The following TMEM245 variants were observed in gnomAD, a reference collection of about 807,000 sequenced individuals.
TMEM245 encodes the protein transmembrane protein 245.
In TMEM245, 69 loss-of-function variants were observed where a neutral mutation model predicts 101.2. The observed-to-expected ratio is 0.68, with a 90% CI of 0.56 to 0.83. The LOEUF is 0.83. TMEM245 is among the 40% of genes least tolerant of loss of function. The pLI is 0.00. For synonymous variants in TMEM245, 537 were observed against 449.8 expected, an observed-to-expected ratio of 1.19 and a Z score of -2.45; for missense variants, 1,075 against 1,092.8, an observed-to-expected ratio of 0.98 and a Z score of 0.23.
chr9:109,076,040 T>A (rs893349667), intron 8 of TMEM245, among the ~76,000 whole-genome samples: 2 of 152,230 alleles, frequency 1.3e-5, no homozygotes, highest in Admixed American at 1.3e-4. Context: ...AGTGGCTTCA[T>A]TTTCTTCCAT....
chr9:109,035,775 A>G (rs1179321555), intron 16 of TMEM245, among the ~76,000 whole-genome samples: 1 of 151,944 alleles, frequency 6.6e-6, no homozygotes. Context: ...TACATATGTA[A>G]TAAGAAAATA....
intron 9 of TMEM245, among the ~76,000 whole-genome samples, chr9:109,070,589 A>T (rs919785490): frequency 2.6e-5 from 4 of 152,328 alleles, no homozygotes; most frequent in African/African-American, 9.6e-5. Context: ...AAAGGTTTAC[A>T]TCTTGTATAC....
chr9:109,042,878 A>G (rs1166350314), intron 14 of TMEM245, among the ~76,000 whole-genome samples: 2 of 139,650 alleles, frequency 1.4e-5, no homozygotes, highest in Admixed American at 1.5e-4. Flanking sequence ...CTGGGTGTCA[A>G]TCTGTCGCCC....
intron 9 of TMEM245, among the ~76,000 whole-genome samples, chr9:109,071,002 C>T (rs1490803552): frequency 2.0e-5 from 3 of 152,256 alleles, no homozygotes; most frequent in African/African-American, 7.2e-5. Flanking sequence ...GTGCCTCAGC[C>T]TCCCAAGTAC....
In TMEM245 at chr9:109,119,385, G is replaced by A. The variant is rs1313743461; in HGVS notation, c.529C>T (p.His177Tyr). ...CCGCGGCAGATGAGCGTGGCAGCGT[G>A]CACCAGCAGCACCTGCACGCCCAAG... is the stretch of plus-strand genomic sequence containing the variant. ...SYLGVQVLLV[H>Y]AATLICRGLD... Residue 177 changes from histidine (H) to tyrosine (Y), a missense_variant, in exon 1 of 18, where the codon CAC becomes TAC. Coordinates refer to ENST00000374586, the MANE Select transcript of TMEM245 (RefSeq NM_032012.4). The A allele has an allele frequency of 1.4e-5, 21 of 1,528,654 alleles. No individual in the cohort carries two copies. The highest frequency in any genetic ancestry group is 1.7e-5 in the Non-Finnish European group (19 of 1,142,136). 94.7% of individuals were successfully genotyped at this position (1,528,654 alleles called of 1,614,324 possible).
At position 109,090,860 on chromosome 9, in the gene TMEM245, T is replaced by TA. The variant is rs992280142; in HGVS notation, c.1150+61dup. The TA allele has an allele frequency of 8.7e-6, 13 of 1,492,002 alleles. No individual in the cohort carries two copies. In the African/African-American group the frequency reaches 1.8e-4, roughly 21 times the overall value. The allele number at this position is 1,492,002 out of a possible 1,614,324, so 92.4% of individuals were successfully genotyped here. On this transcript the variant is annotated intron_variant, in intron 5 of 17. Transcript: ENST00000374586. The stretch of plus-strand genomic sequence containing the variant: ...TATCTCAAATATTAAAATCCAAAAG[T>TA]AAAAAAAGAAAAAAATCAATCTTCA...
In TMEM245 at chr9:109,119,872, C is replaced by T. The variant is rs774984165; in HGVS notation, c.42G>A (p.Arg14=). The T allele has an allele frequency of 8.9e-4, 1,175 of 1,315,400 alleles. 2 individuals are homozygous for T. The highest frequency in any genetic ancestry group is 1.2e-3 in the Admixed American group (28 of 24,104). The allele number at this position is 1,315,400 out of a possible 1,614,324, so 81.5% of individuals were successfully genotyped here. ...GGGPKDAPSL[R]SSPGPAPRVP... ...CCCGCGGCGCCGGCCCGGGAGAGCT[C>T]CGCAGGCTTGGCGCGTCCTTAGGGC... Residue 14 remains arginine (R), a synonymous_variant, in exon 1 of 18, where the codon CGG becomes CGA. Coordinates refer to ENST00000374586, the MANE Select transcript of TMEM245 (RefSeq NM_032012.4).
At chr9:109,090,197 G>A (rs1256485753) in intron 5 of TMEM245, among the ~76,000 whole-genome samples, 1 of 152,060 alleles carries the variant, frequency 6.6e-6, no homozygotes, top group East Asian at 1.9e-4. Context: ...GGGGGCAAAG[G>A]CTGCAGTGAG....
At chr9:109,064,661 C>CA in intron 9 of TMEM245, 94 bp from the exon 10 acceptor site, 2 of 1,003,538 alleles carry the variant, frequency 2.0e-6, no homozygotes, top group Non-Finnish European at 3.0e-6. Context: ...CCATAACAGA[C>CA]AGACTGTTGA....
intron 14 of TMEM245, among the ~76,000 whole-genome samples, chr9:109,044,430 G>A (rs932495630): frequency 2.0e-5 from 3 of 152,126 alleles, no homozygotes; most frequent in Non-Finnish European, 2.9e-5. Context: ...TGAAGAAAAG[G>A]AGGAGTGAAG....
At chr9:109,077,585 T>G (rs1336468116) in intron 8 of TMEM245, among the ~76,000 whole-genome samples, 2 of 152,362 alleles carry the variant, frequency 1.3e-5, no homozygotes, top group Admixed American at 1.3e-4. Context: ...TTGGATTTCA[T>G]GTATTTTAGA....
intron 9 of TMEM245, among the ~76,000 whole-genome samples, chr9:109,065,663 T>C (rs1456359518): frequency 2.0e-5 from 3 of 152,168 alleles, no homozygotes; most frequent in Non-Finnish European, 4.4e-5. Context: ...TACACAATCC[T>C]AATGTTTTCC....
In TMEM245 at chr9:109,118,230, C is replaced by T. The variant is rs545091805; in HGVS notation, c.579+1105G>A. 2.0e-5 allele frequency among the ~76,000 whole-genome samples: 3 copies of T among 152,286 alleles called. No homozygotes were observed. In the South Asian group the frequency reaches 6.2e-4, roughly 32 times the overall value. ...GAACCAAGAGGTGGTATTGAGGGAA[C>T]AAGAGAAGAAGGGTGTTTTGGGTCA... is the stretch of plus-strand genomic sequence containing the variant. On this transcript the variant is annotated intron_variant, in intron 1 of 17. Transcript: ENST00000374586.
chr9:109,017,135 T>C lies in TMEM245; in HGVS notation c.*3325A>G, dbSNP rs1827470466. ...CCAGATAGGTCACAATGGGTTCATG[T>C]GAAGATCAAGGTGAGCCAGAAGATC... On this transcript the variant is annotated 3_prime_UTR_variant, in exon 18 of 18. Transcript: ENST00000374586. 3 of 152,210 alleles carry C rather than the reference T, an allele frequency of 2.0e-5. No homozygotes were observed. The highest frequency in any genetic ancestry group is 2.0e-4 in the Admixed American group (3 of 15,272). The allele number at this position is 152,210 out of a possible 1,614,324, so 9.4% of individuals were successfully genotyped here.
At chr9:109,049,435 A>G (rs1828604647) in intron 14 of TMEM245, among the ~76,000 whole-genome samples, 1 of 152,078 alleles carries the variant, frequency 6.6e-6, no homozygotes, top group African/African-American at 2.4e-5. Context: ...GGTTGTGTCA[A>G]ATTCCTGAGC....
intron 9 of TMEM245, among the ~76,000 whole-genome samples, chr9:109,068,664 C>T (rs575100407): frequency 1.3e-5 from 2 of 151,986 alleles, no homozygotes; most frequent in Non-Finnish European, 2.9e-5. Flanking sequence ...AAAAACCTTC[C>T]TAAATGGAAC....
At position 109,083,925 on chromosome 9, in the gene TMEM245, A is replaced by AAAAAAAAAAAAAAAAAAAAC. The variant is rs1554725114; in HGVS notation, c.1344+2071_1344+2072insGTTTTTTTTTTTTTTTTTTT. 2.1e-5 allele frequency among the ~76,000 whole-genome samples: 3 copies of AAAAAAAAAAAAAAAAAAAAC among 140,878 alleles called. No individual in the cohort carries two copies. In the East Asian group the frequency reaches 6.9e-4, roughly 32 times the overall value. The allele number at this position is 140,878 out of a possible 152,430, so 92.4% of individuals were successfully genotyped here. Reference sequence around the variant, plus strand: ...ACAAAAAAAAAAAAAAAAAAAAAAAAAAAACACCAGGCATGGTGGTGCACA... The same window carrying AAAAAAAAAAAAAAAAAAAAC: ...ACAAAAAAAAAAAAAAAAAAAAAAAAAAAAAAAAAAAAAAAAAAACAAAACACCAGGCATGGTGGTGCACA... On this transcript the variant is annotated intron_variant, in intron 7 of 17. Transcript: ENST00000374586.
intron 7 of TMEM245, among the ~76,000 whole-genome samples, chr9:109,082,497 T>C (rs1829695454): frequency 6.6e-6 from 1 of 152,210 alleles, no homozygotes; most frequent in Non-Finnish European, 1.5e-5. Flanking sequence ...TTTGTATCAC[T>C]CCTCTTTGTA....
chr9:109,030,851 G>A (rs1467130822), intron 17 of TMEM245, among the ~76,000 whole-genome samples: 2 of 152,152 alleles, frequency 1.3e-5, no homozygotes, highest in Non-Finnish European at 2.9e-5. Context: ...CTGAGTTAAA[G>A]GACAATGTCT....
Sources: allele counts gnomAD v4.1 joint callset (sites outside exome capture counted in the v4.1 genomes callset), GRCh38; gene constraint gnomAD v4.1.1; transcripts MANE v1.5; gene names NCBI Gene and HGNC (gene_info 2026-07-23, HGNC 2026-07-21).